RYR3: variants seen among roughly 807,000 people sequenced by gnomAD.
RYR3 encodes the protein brain ryanodine receptor-calcium release channel.
In RYR3, 207 loss-of-function variants were observed where a neutral mutation model predicts 584.3. The ratio of observed to expected loss-of-function variants is 0.35; its 90% CI spans 0.32 to 0.40. The LOEUF is 0.40. RYR3 is among the 10% of genes least tolerant of loss of function. The pLI is 1.00. For missense variants in RYR3, 5,616 were observed against 6,089.2 expected (o/e 0.92, Z 2.59); for synonymous variants, 2,416 against 2,248.5 (o/e 1.07, Z -2.11).
intron 66 of RYR3, among the ~76,000 whole-genome samples, chr15:33,787,534 A>C (rs2074809716): frequency 1.6e-5 from 1 of 62,480 alleles, no homozygotes; most frequent in Non-Finnish European, 3.8e-5. Flanking sequence ...AAAAAAACAA[A>C]AACAAACAAA....
chr15:33,783,780 G>A (rs1461749473), intron 65 of RYR3, among the ~76,000 whole-genome samples: 10 of 152,128 alleles, frequency 6.6e-5, no homozygotes, highest in African/African-American at 2.4e-4. Flanking sequence ...TATTTTGTTT[G>A]CAAGGGTCTC....
In RYR3 at chr15:33,819,649, A is replaced by G. The variant is rs984300237; in HGVS notation, c.10707-107A>G. The G allele has an allele frequency of 9.3e-4, 642 of 688,192 alleles. 2 individuals carry two copies. Among genetic ancestry groups the G allele is most frequent in the Non-Finnish European group, 1.2e-3 (595 of 492,780 alleles). The allele number at this position is 688,192 out of a possible 1,614,324, so 42.6% of individuals were successfully genotyped here. On this transcript the variant is annotated intron_variant, in intron 76 of 103. Transcript: ENST00000634891. ...AGATCGCGTCATTGCACTCCAGCCT[A>G]GGGGACAAGAGAAAACTCTGTCTCA...
rs1567166622 is a variant in RYR3, at chr15:33,785,724, A to G, written c.9331A>G (p.Met3111Val). The change falls in exon 66 of 104, where the codon ATG becomes GTG. Residue 3111 changes from methionine (M) to valine (V), a missense_variant. Transcript: ENST00000634891. ...CPDIPQLEGL[M>V]KEINDLAESG... Reference sequence around the variant, plus strand: ...TGACATCCCCCAGCTGGAAGGCCTGATGAAGGAAATCAACGACCTGGCCGA... The same window carrying G: ...TGACATCCCCCAGCTGGAAGGCCTGGTGAAGGAAATCAACGACCTGGCCGA... 6.2e-7 allele frequency: 1 copy of G among 1,613,772 alleles called. No individual in the cohort carries two copies. The highest frequency in any genetic ancestry group is 2.2e-5 in the East Asian group (1 of 44,872).
intron 2 of RYR3, among the ~76,000 whole-genome samples, chr15:33,502,522 G>A (rs1305187185): frequency 1.3e-5 from 2 of 152,180 alleles, no homozygotes; most frequent in African/African-American, 4.8e-5. Context: ...GTACACAGGT[G>A]ATCACAAGCT....
intron 32 of RYR3, among the ~76,000 whole-genome samples, chr15:33,654,843 A>G (rs4780140): frequency 0.019 from 2,828 of 152,332 alleles, 86 homozygotes; most frequent in East Asian, 0.064. Context: ...CTGATTCTTA[A>G]ATCAGCCTCA....
At chr15:33,526,044 T>C (rs535798836) in intron 3 of RYR3, among the ~76,000 whole-genome samples, 25 of 152,170 alleles carry the variant, frequency 1.6e-4, no homozygotes, top group Non-Finnish European at 3.4e-4. Context: ...AGATTTCTTA[T>C]TGCCTGGGAC....
intron 60 of RYR3, among the ~76,000 whole-genome samples, chr15:33,758,762 G>A (rs2072130147): frequency 6.6e-6 from 1 of 152,218 alleles, no homozygotes; most frequent in Admixed American, 6.5e-5. Flanking sequence ...GAACATAGCA[G>A]CGGATCTCCC....
chr15:33,697,483 A>C, intron 39 of RYR3, among the ~76,000 whole-genome samples: 1 of 152,204 alleles, frequency 6.6e-6, no homozygotes, highest in East Asian at 1.9e-4. Context: ...TTTGATTTGC[A>C]TGCAGCTTTA....
chr15:33,517,280 A>T (rs563782450), intron 3 of RYR3, among the ~76,000 whole-genome samples: 1 of 152,364 alleles, frequency 6.6e-6, no homozygotes, highest in South Asian at 2.1e-4. Flanking sequence ...GGTGTGAGCC[A>T]CTGTGCCCAG....
In RYR3 at chr15:33,579,983, A is replaced by G; in HGVS notation, c.1276A>G (p.Asn426Asp). The change falls in exon 13 of 104, where the codon AAT (asparagine) becomes GAT (aspartate). Residue 426 changes from asparagine (N) to aspartate (D), a missense_variant. Coordinates refer to ENST00000634891, the MANE Select transcript of RYR3 (RefSeq NM_001036.6). ...ALFSQFVSGN[N>D]RTAAPITLPI... ...CAATCTCATGGTTTTTAGCGGAAAC[A>G]ATCGCACAGCTGCCCCCATCACCCT... The G allele has an allele frequency of 6.2e-7, 1 of 1,608,716 alleles. No homozygotes were observed. The highest frequency in any genetic ancestry group is 8.5e-7 in the Non-Finnish European group (1 of 1,177,484).
intron 93 of RYR3, among the ~76,000 whole-genome samples, chr15:33,845,456 G>A (rs2078661534): frequency 6.6e-6 from 1 of 152,154 alleles, no homozygotes; most frequent in African/African-American, 2.4e-5. Context: ...GTTTCACTAT[G>A]TTGGCCAGGC....
intron 1 of RYR3, among the ~76,000 whole-genome samples, chr15:33,358,561 A>G (rs1231962836): frequency 6.6e-6 from 1 of 151,674 alleles, no homozygotes; most frequent in Non-Finnish European, 1.5e-5. Context: ...TCAGCCCAGG[A>G]CTGTGGTGCA....
At chr15:33,820,667 C>T in intron 77 of RYR3, 89 bp from the exon 78 acceptor site, 1 of 1,193,228 alleles carries the variant, frequency 8.4e-7, no homozygotes, top group Non-Finnish European at 1.2e-6. Context: ...GAATTACGTC[C>T]TGTCCCCTGC....
intron 1 of RYR3, among the ~76,000 whole-genome samples, chr15:33,468,448 GC>G: frequency 6.6e-6 from 1 of 152,060 alleles, no homozygotes; most frequent in Non-Finnish European, 1.5e-5. Context: ...AGAAATAGAA[GC>G]TATGGACTCC....
intron 1 of RYR3, among the ~76,000 whole-genome samples, chr15:33,402,799 T>G: frequency 6.6e-6 from 1 of 152,194 alleles, no homozygotes; most frequent in South Asian, 2.1e-4. Flanking sequence ...TTTTGTCAAG[T>G]CTTAGCAGGA....
rs1194606029 is a variant in RYR3, at chr15:33,529,504, CCAGT to C, written c.280-1086_280-1083del. Among the ~76,000 whole-genome samples the C allele has an allele frequency of 7.2e-5, 11 of 152,270 alleles. No individual in the cohort carries two copies. In the East Asian group the frequency reaches 1.4e-3, roughly 19 times the overall value. On this transcript the variant is annotated intron_variant, in intron 3 of 103. Transcript: ENST00000634891. Reference sequence around the variant, plus strand: ...GAGCCTCAAACCAGTCCTTGGGCTGCCAGTCTGTAACTCTGAATAAAATGGACTG... The same window carrying C: ...GAGCCTCAAACCAGTCCTTGGGCTGCCTGTAACTCTGAATAAAATGGACTG...
intron 86 of RYR3, among the ~76,000 whole-genome samples, chr15:33,831,334 C>T (rs1215883001): frequency 6.6e-6 from 1 of 152,246 alleles, no homozygotes; most frequent in Non-Finnish European, 1.5e-5. Context: ...TATCTAGCTA[C>T]ATTTTGCTTT....
chr15:33,652,651 A>T, intron 31 of RYR3, 67 bp from the exon 32 acceptor site: 1 of 1,509,050 alleles, frequency 6.6e-7, no homozygotes, highest in Admixed American at 2.2e-5. Context: ...TTTTCATTTC[A>T]TTCCTGAGTC....
intron 2 of RYR3, among the ~76,000 whole-genome samples, chr15:33,502,598 G>C (rs1377440650): frequency 6.6e-6 from 1 of 152,192 alleles, no homozygotes; most frequent in Non-Finnish European, 1.5e-5. Context: ...CAGTGGTTTT[G>C]CTTTGTATTT....
Sources: gnomAD v4.1 joint callset for allele counts (sites outside exome capture counted in the v4.1 genomes callset) on GRCh38, gnomAD v4.1.1 for gene constraint, MANE v1.5 for transcripts, NCBI Gene and HGNC (gene_info 2026-07-23, HGNC 2026-07-21) for gene names.